ASAP2: variants seen among roughly 807,000 people sequenced by gnomAD.
ASAP2 encodes ArfGAP with SH3 domain, ankyrin repeat and PH domain 2.
ASAP2 carries 45 observed loss-of-function variants against 131.4 expected under a neutral mutation model. The ratio of observed to expected loss-of-function variants is 0.34; its 90% CI spans 0.27 to 0.44. The LOEUF (loss-of-function observed/expected upper bound fraction) is 0.44. Ranked by LOEUF, ASAP2 falls within the 20% of genes least tolerant of loss-of-function variation. The probability of loss-of-function intolerance (pLI) is 1.00; values close to 1 mark genes in which losing one functional copy is unlikely to be tolerated. For missense variants in ASAP2, 1,011 were observed against 1,297.0 expected, an observed-to-expected ratio of 0.78 and a Z score of 3.39; for synonymous variants, 510 against 503.0, an observed-to-expected ratio of 1.01 and a Z score of -0.19.
rs990513335 is a variant in ASAP2, at chr2:9,358,817, C to T, written c.1389C>T (p.His463=). The T allele has an allele frequency of 6.2e-7, 1 of 1,613,892 alleles. No individual in the cohort carries two copies. Among genetic ancestry groups the T allele is most frequent in the Non-Finnish European group, 8.5e-7 (1 of 1,179,964 alleles). ...ILTCIECSGI[H]RELGVHYSRM... ...CCTGCATCGAGTGTTCCGGAATCCACCGAGAGCTGGGGGTTCATTATTCCA... is the reference window on the plus strand; with the variant it reads ...CCTGCATCGAGTGTTCCGGAATCCATCGAGAGCTGGGGGTTCATTATTCCA... The change falls in exon 15 of 28, where the codon CAC becomes CAT. Residue 463 remains histidine (H), a synonymous_variant. Transcript: ENST00000281419.
intron 1 of ASAP2, among the ~76,000 whole-genome samples, chr2:9,210,720 A>G (rs1264753968): frequency 3.3e-5 from 5 of 151,826 alleles, no homozygotes; most frequent in Admixed American, 6.6e-5. Context: ...ATGCCCGGCT[A>G]ATTTTCTGTA....
Position 9,344,800 on chromosome 2 carries a change from C to A in ASAP2, c.1023C>A (p.Thr341=). The A allele has an allele frequency of 6.2e-7, 1 of 1,611,178 alleles. No individual in the cohort carries two copies. Residue 341 remains threonine, a splice_region_variant and synonymous_variant, in exon 11 of 28, where the codon ACC becomes ACA. Transcript: ENST00000281419. ...KNGFLTISHG[T]ANRPPAKLNL... is the part of the protein sequence containing the mutation. ...GTTTTCTGACCATATCCCATGGTAC[C>A]GTAAGTATTCTCTTTTAATCCATGG...
intron 1 of ASAP2, among the ~76,000 whole-genome samples, chr2:9,275,161 G>T (rs1428270115): frequency 6.6e-6 from 1 of 150,390 alleles, no homozygotes; most frequent in East Asian, 1.9e-4. Context: ...GTTCGCTGCA[G>T]CCTCCAACTT....
intron 1 of ASAP2, among the ~76,000 whole-genome samples, chr2:9,271,831 T>C (rs1666423527): frequency 6.6e-6 from 1 of 152,120 alleles, no homozygotes; most frequent in African/African-American, 2.4e-5. Flanking sequence ...GTACGTGGCT[T>C]ATTTCCCTTA....
chr2:9,385,262 T>C lies in ASAP2; in HGVS notation c.2034T>C (p.Ser678=). The C allele has an allele frequency of 6.2e-7, 1 of 1,614,018 alleles. No homozygotes were observed. The highest frequency in any genetic ancestry group is 8.5e-7 in the Non-Finnish European group (1 of 1,179,852). The part of the protein sequence containing the change: ...HCEELLTQAL[S]GRFNSHVHVE... ...TCTCTCAGCTGACCCAAGCCTTATC[T>C]GGAAGATTTAATTCTCACGTTCACG... Residue 678 remains serine, a synonymous_variant, in exon 21 of 28, where the codon TCT becomes TCC. Coordinates refer to ENST00000281419, the MANE Select transcript of ASAP2 (RefSeq NM_003887.3).
intron 24 of ASAP2, among the ~76,000 whole-genome samples, chr2:9,394,361 T>G (rs1675954951): frequency 6.6e-6 from 1 of 152,040 alleles, no homozygotes; most frequent in South Asian, 2.1e-4. Context: ...AGACGAGGTT[T>G]CGCCGTGTTA....
chr2:9,298,206 A>G (rs557895969), intron 3 of ASAP2, among the ~76,000 whole-genome samples: 12 of 152,298 alleles, frequency 7.9e-5, no homozygotes, highest in African/African-American at 2.6e-4. Flanking sequence ...AGAACTCAGT[A>G]ATGCTTTCTC....
intron 1 of ASAP2, among the ~76,000 whole-genome samples, chr2:9,223,668 T>C (rs1662580545): frequency 6.6e-6 from 1 of 152,192 alleles, no homozygotes; most frequent in South Asian, 2.1e-4. Context: ...TAAGCTACTA[T>C]AAATTATAGC....
intron 1 of ASAP2, among the ~76,000 whole-genome samples, chr2:9,236,534 T>C (rs1160833326): frequency 6.6e-6 from 1 of 152,252 alleles, no homozygotes; most frequent in Non-Finnish European, 1.5e-5. Flanking sequence ...GTAAAGAGCT[T>C]GAACTTAATT....
At chr2:9,229,497 C>G (rs1663005171) in intron 1 of ASAP2, among the ~76,000 whole-genome samples, 1 of 152,194 alleles carries the variant, frequency 6.6e-6, no homozygotes, top group African/African-American at 2.4e-5. Flanking sequence ...ATAGCCGTCC[C>G]CCTTGGGCAC....
At chr2:9,323,926 G>C (rs887472388) in intron 6 of ASAP2, among the ~76,000 whole-genome samples, 4 of 152,190 alleles carry the variant, frequency 2.6e-5, no homozygotes, top group African/African-American at 9.7e-5. Flanking sequence ...TTTGTGCCTT[G>C]CTTGCCAGGT....
At chr2:9,273,453 C>T (rs950791763) in intron 1 of ASAP2, among the ~76,000 whole-genome samples, 11 of 152,150 alleles carry the variant, frequency 7.2e-5, no homozygotes, top group Non-Finnish European at 1.5e-4. Context: ...TTCACCTTGC[C>T]CGCTGCTGCC....
At chr2:9,299,877 GGTCA>G (rs1327276624) in intron 3 of ASAP2, among the ~76,000 whole-genome samples, 2 of 152,196 alleles carry the variant, frequency 1.3e-5, no homozygotes, top group Non-Finnish European at 2.9e-5. Flanking sequence ...AATCCCATAA[GGTCA>G]GTCAATGTCA....
At chr2:9,374,306 G>A (rs947222446) in intron 16 of ASAP2, among the ~76,000 whole-genome samples, 2 of 152,232 alleles carry the variant, frequency 1.3e-5, no homozygotes, top group African/African-American at 4.8e-5. Context: ...TGGGCCTGTC[G>A]GGCAGTGAGG....
Position 9,207,287 on chromosome 2 carries a change from C to T in ASAP2, c.126+57C>T. The T allele has an allele frequency of 1.4e-6, 2 of 1,466,098 alleles. No individual in the cohort carries two copies. The highest frequency in any genetic ancestry group is 2.6e-5 in the East Asian group (1 of 37,762). 90.8% of individuals were successfully genotyped at this position (1,466,098 alleles called of 1,614,324 possible). On this transcript the variant is annotated intron_variant, in intron 1 of 27. Transcript: ENST00000281419. The surrounding 1 kb of genome is among the most constrained non-coding windows in gnomAD (Gnocchi z 4.1). The stretch of plus-strand genomic sequence containing the variant: ...AGGTATCCCGCGCCCCAGCCCCGCC[C>T]GCCGCTCCCGCATCCGCATCCCGAG...
intron 6 of ASAP2, 53 bp from the exon 7 acceptor site, chr2:9,327,773 T>C: frequency 7.2e-7 from 1 of 1,397,010 alleles, no homozygotes; most frequent in African/African-American, 1.5e-5. Flanking sequence ...GAAGCTCCTT[T>C]TAAACTCGTA....
intron 26 of ASAP2, 126 bp from the exon 27 acceptor site, chr2:9,401,148 C>T: frequency 1.7e-6 from 2 of 1,211,800 alleles, no homozygotes; most frequent in Non-Finnish European, 2.3e-6. Context: ...CCCACCTTGG[C>T]ATCTGCAGGC....
chr2:9,317,558 TCA>T (rs534383932), intron 3 of ASAP2, among the ~76,000 whole-genome samples: 5 of 114,178 alleles, frequency 4.4e-5, no homozygotes, highest in South Asian at 2.7e-4. Flanking sequence ...ACATCCACAA[TCA>T]CACTCTCACA....
chr2:9,268,774 G>A lies in ASAP2; in HGVS notation c.127-10543G>A, dbSNP rs564941388. On this transcript the variant is annotated intron_variant, in intron 1 of 27. Coordinates refer to ENST00000281419, the MANE Select transcript of ASAP2 (RefSeq NM_003887.3). This position sits in a 1 kb window ranked among gnomAD's most constrained non-coding sequence, Gnocchi z 4.1. ...CAGGCTGGCCTTTCGTCCGTGGAAC[G>A]AGGGGAGAGGAGATAGGACGGGAGA... 2.0e-5 allele frequency among the ~76,000 whole-genome samples: 3 copies of A among 152,210 alleles called. No individual in the cohort carries two copies. The highest frequency in any genetic ancestry group is 2.9e-5 in the Non-Finnish European group (2 of 68,048).
Sources: allele counts gnomAD v4.1 joint callset (sites outside exome capture counted in the v4.1 genomes callset), GRCh38; gene constraint gnomAD v4.1.1; non-coding constraint Gnocchi (gnomAD v3.1); transcripts MANE v1.5; gene names NCBI Gene and HGNC (gene_info 2026-07-23, HGNC 2026-07-21).